Variants in DICER1 observed in about 807,000 individuals in gnomAD.
DICER1 encodes the protein dicer 1, ribonuclease III.
DICER1 carries 43 observed loss-of-function variants against 194.1 expected under a neutral mutation model. That is an observed-to-expected ratio of 0.22 (90% CI 0.17 to 0.29). DICER1 has a LOEUF of 0.29. DICER1 is among the 10% of genes least tolerant of loss of function. DICER1 has a pLI of 1.00. For synonymous variants in DICER1, 832 were observed against 820.5 expected, an observed-to-expected ratio of 1.01 and a Z score of -0.24; for missense variants, 1,608 against 2,317.0, an observed-to-expected ratio of 0.69 and a Z score of 6.28.
At position 95,103,506 on chromosome 14, in the gene DICER1, A is replaced by T. The variant is rs761578934; in HGVS notation, c.3890T>A (p.Ile1297Asn). The T allele has an allele frequency of 6.2e-7, 1 of 1,614,214 alleles. No homozygotes were observed. Residue 1297 changes from isoleucine to asparagine, a missense_variant, in exon 21 of 27, where the codon ATT becomes AAT. This residue lies in a region of DICER1 where 58 missense variants were observed against 125.7 expected (regional missense o/e 0.46). Transcript: ENST00000343455. ...SRTLGPNPGL[I>N]LQALTLSNAS... ...GTTTGACAGAGTCAAAGCCTGAAGAATAAGTCCAGGATTGGGGCCAAGAGT... is the reference window on the plus strand; with the variant it reads ...GTTTGACAGAGTCAAAGCCTGAAGATTAAGTCCAGGATTGGGGCCAAGAGT...
At chr14:95,119,185 T>C (rs190392847) in intron 8 of DICER1, among the ~76,000 whole-genome samples, 1 of 152,330 alleles carries the variant, frequency 6.6e-6, no homozygotes, top group East Asian at 1.9e-4. Context: ...TAACTTACTG[T>C]TAATTAGGCA....
In DICER1 at chr14:95,086,521, A is replaced by G; in HGVS notation, c.*3977T>C. On this transcript the variant is annotated 3_prime_UTR_variant, in exon 27 of 27. Coordinates refer to ENST00000343455, the MANE Select transcript of DICER1 (RefSeq NM_177438.3). The stretch of plus-strand genomic sequence containing the variant: ...GTTCACCTTTGCATTTTTGCTATGT[A>G]ACCTGCTGCTGCAGTGAATTCTTAG... 1 of 233,406 alleles carries G rather than the reference A, an allele frequency of 4.3e-6. No individual in the cohort carries two copies. 14.5% of individuals were successfully genotyped at this position (233,406 alleles called of 1,614,324 possible). A position where few individuals can be genotyped will look rare whatever the true frequency, so the allele number is the denominator to read the frequency against.
At chr14:95,107,493 G>T (rs1429668759) in intron 17 of DICER1, 115 bp downstream of exon 17, 2 of 969,580 alleles carry the variant, frequency 2.1e-6, no homozygotes, top group East Asian at 4.9e-5. Context: ...CTCATGATCT[G>T]CCCGCCTTGG....
chr14:95,157,667 GGC>G (rs145124430), upstream of DICER1: 2 of 152,448 alleles, frequency 1.3e-5, no homozygotes, highest in Non-Finnish European at 2.9e-5. Context: ...GGAGACAGCG[GGC>G]GCGCGCGCGG....
At chr14:95,099,707 C>T (rs1890680014) in intron 22 of DICER1, 73 bp downstream of exon 22, 1 of 1,541,984 alleles carries the variant, frequency 6.5e-7, no homozygotes, top group South Asian at 1.2e-5. Flanking sequence ...TTATTTGGCT[C>T]ACCGAAAAGT....
intron 21 of DICER1, among the ~76,000 whole-genome samples, chr14:95,100,356 G>C (rs1890766454): frequency 6.6e-6 from 1 of 152,164 alleles, no homozygotes; most frequent in Non-Finnish European, 1.5e-5. Context: ...TCAATGAAAT[G>C]GGGGGAGGAT....
intron 6 of DICER1, among the ~76,000 whole-genome samples, chr14:95,127,541 G>T (rs931741426): frequency 1.3e-5 from 2 of 152,220 alleles, no homozygotes; most frequent in Non-Finnish European, 2.9e-5. Flanking sequence ...ACAGCTTGAA[G>T]GTAATTTTAC....
Position 95,131,557 on chromosome 14 carries a change from A to G in DICER1, c.390T>C (p.Asn130=), listed in dbSNP as rs747882352. ...KVGEYSNLEV[N]ASWTKERWNQ... ...TCCATCTCTCTTTTGTCCAAGATGCATTTACTTCTAGGTTTGAGTATTCCC... is the reference window on the plus strand; with the variant it reads ...TCCATCTCTCTTTTGTCCAAGATGCGTTTACTTCTAGGTTTGAGTATTCCC... The change falls in exon 4 of 27, where the codon AAT becomes AAC. Residue 130 remains asparagine, a synonymous_variant. Transcript: ENST00000343455. 1.2e-6 allele frequency: 2 copies of G among 1,613,378 alleles called. No individual in the cohort carries two copies. The highest frequency in any genetic ancestry group is 1.7e-6 in the Non-Finnish European group (2 of 1,179,488).
At chr14:95,147,429 C>G (rs1049054703) in intron 1 of DICER1, among the ~76,000 whole-genome samples, 1 of 152,166 alleles carries the variant, frequency 6.6e-6, no homozygotes, top group Non-Finnish European at 1.5e-5. Flanking sequence ...CACTGCACTC[C>G]AGAGTAAGAC....
rs758526739 is a variant in DICER1 at position 95,106,157 on chromosome 14, G to T, written c.2871C>A (p.Leu957=). 1.2e-6 allele frequency: 2 copies of T among 1,613,910 alleles called. No individual in the cohort carries two copies. Among genetic ancestry groups the T allele is most frequent in the South Asian group, 1.1e-5 (1 of 91,078 alleles). ...CATACTCAGGGGAAGGAAATTTACT[G>T]AGTGGGGTAAGATCAGTGTACACAT... ...VADVYTDLTP[L]SKFPSPEYET... is the part of the protein sequence containing the mutation. Residue 957 remains leucine (L), a synonymous_variant, in exon 18 of 27, where the codon CTC becomes CTA. Coordinates refer to ENST00000343455, the MANE Select transcript of DICER1 (RefSeq NM_177438.3).
chr14:95,091,226 T>C lies in DICER1; in HGVS notation c.5504A>G (p.Tyr1835Cys), dbSNP rs747510783. 4.9e-5 allele frequency: 79 copies of C among 1,614,058 alleles called. No homozygotes were observed. In the Middle Eastern group the frequency reaches 6.6e-4, roughly 13 times the overall value. Residue 1835 changes from tyrosine to cysteine, a missense_variant, in exon 25 of 27, where the codon TAT becomes TGT. Coordinates refer to ENST00000343455, the MANE Select transcript of DICER1 (RefSeq NM_177438.3). The part of the protein sequence containing the change: ...MSLETVWQVY[Y>C]PMMRPLIEKF... Reference sequence around the variant, plus strand: ...ACCTATTAGTGGCCGCATCATGGGATAGTACACCTGCCAGACTGTCTCCAG... The same window carrying C: ...ACCTATTAGTGGCCGCATCATGGGACAGTACACCTGCCAGACTGTCTCCAG...
chr14:95,143,362 G>A (rs984220839), intron 1 of DICER1, among the ~76,000 whole-genome samples: 12 of 152,070 alleles, frequency 7.9e-5, no homozygotes, highest in Non-Finnish European at 1.6e-4. Flanking sequence ...AAAGGGAAGA[G>A]GTCCCTTTCC....
intron 15 of DICER1, 56 bp from the exon 16 acceptor site, chr14:95,108,149 T>C (rs1437297178): frequency 3.5e-6 from 5 of 1,417,156 alleles, no homozygotes; most frequent in Non-Finnish European, 5.0e-6. Flanking sequence ...TTTATTCCAT[T>C]ACAGTTAACT....
At chr14:95,097,017 T>C (rs1162033895) in intron 22 of DICER1, among the ~76,000 whole-genome samples, 1 of 152,190 alleles carries the variant, frequency 6.6e-6, no homozygotes, top group Non-Finnish European at 1.5e-5. Context: ...ATGTCCACAA[T>C]GCAAAACTTC....
In DICER1 at chr14:95,115,837, A is replaced by G. The variant is rs781690949; in HGVS notation, c.1753-16T>C. ...TTCTCAAGATCTGAACATTTAAAAA[A>G]CAGAACTTATGATGAAAACACATCC... On this transcript the variant is annotated splice_polypyrimidine_tract_variant and intron_variant, in intron 10 of 26. Transcript: ENST00000343455. 6.2e-7 allele frequency: 1 copy of G among 1,613,900 alleles called. No homozygotes were observed. Among genetic ancestry groups the G allele is most frequent in the Non-Finnish European group, 8.5e-7 (1 of 1,179,790 alleles).
chr14:95,155,298 G>A (rs550319473), intron 1 of DICER1, among the ~76,000 whole-genome samples: 2 of 152,312 alleles, frequency 1.3e-5, no homozygotes, highest in East Asian at 3.9e-4. Context: ...CCATGACATG[G>A]TAGGGTCGCA....
At chr14:95,102,245 C>A (rs1262090117) in intron 21 of DICER1, among the ~76,000 whole-genome samples, 1 of 152,170 alleles carries the variant, frequency 6.6e-6, no homozygotes, top group Non-Finnish European at 1.5e-5. Flanking sequence ...CTAGTTCTAT[C>A]CCATTCTCTG....
At chr14:95,121,143 G>C (rs1450056935) in intron 8 of DICER1, among the ~76,000 whole-genome samples, 1 of 151,962 alleles carries the variant, frequency 6.6e-6, no homozygotes, top group African/African-American at 2.4e-5. Flanking sequence ...CCAAATGGAG[G>C]GGCATTCACC....
In DICER1 at chr14:95,103,708, G is replaced by A. The variant is rs1566767799; in HGVS notation, c.3688C>T (p.Gln1230Ter). 6.2e-7 allele frequency: 1 copy of A among 1,614,228 alleles called. No individual in the cohort carries two copies. Among genetic ancestry groups the A allele is most frequent in the Non-Finnish European group, 8.5e-7 (1 of 1,180,032 alleles). The change falls in exon 21 of 27, where the codon CAG becomes TAG. Residue 1230 changes from glutamine (Q) to a stop codon, truncating the protein, a stop_gained. Coordinates refer to ENST00000343455, the MANE Select transcript of DICER1 (RefSeq NM_177438.3). LOFTEE classifies it high-confidence loss of function. ...AGGAGAGTACATTCATCGCTGGGCT[G>A]GGGCTGGTTCTCGTAACTGTATAAA... The part of the protein sequence containing the change: ...QNLYSYENQP[Q>*]PSDECTLLSN...
Sources: gnomAD v4.1 joint callset for allele counts (sites outside exome capture counted in the v4.1 genomes callset) on GRCh38, gnomAD v4.1.1 for gene constraint, gnomAD v4.1.1 regional missense constraint, MANE v1.5 for transcripts, NCBI Gene and HGNC (gene_info 2026-07-23, HGNC 2026-07-21) for gene names.